The following RGS7 variants were observed in gnomAD, a reference collection of about 807,000 sequenced individuals.
RGS7 encodes regulator of G-protein signaling 7.
Under a neutral mutation model 81.1 loss-of-function variants are expected in RGS7, and 27 were observed. The observed-to-expected ratio is 0.33, with a 90% CI of 0.25 to 0.46. RGS7 has a LOEUF of 0.46. Ranked by LOEUF, RGS7 falls within the 20% of genes least tolerant of loss-of-function variation. The pLI, the probability that RGS7 is intolerant of heterozygous loss-of-function variation, is 1.00. For synonymous variants in RGS7, 208 were observed against 207.7 expected (o/e 1.00, Z -0.01); for missense variants, 396 against 607.4 (o/e 0.65, Z 3.66).
intron 3 of RGS7, among the ~76,000 whole-genome samples, chr1:240,999,430 G>T (rs1349181709): frequency 1.3e-5 from 2 of 151,972 alleles, no homozygotes; most frequent in Non-Finnish European, 2.9e-5. Context: ...AATTGCTTTT[G>T]GGCCATATTC....
rs1224665176 is a variant in RGS7, at chr1:240,870,115, A to G, written c.390T>C (p.Val130=). 6.2e-7 allele frequency: 1 copy of G among 1,613,948 alleles called. No homozygotes were observed. The highest frequency in any genetic ancestry group is 1.7e-5 in the Admixed American group (1 of 60,000). The stretch of plus-strand genomic sequence containing the variant: ...TTTGCATTGTTCTCTTGCAGAGGTA[A>G]ACGGCTGAAAAAAAAATCAATCATT... ...CWEPENTDYA[V]YLCKRTMQNK... The change falls in exon 7 of 19, where the codon GTT becomes GTC. Residue 130 remains valine, a synonymous_variant. Coordinates refer to ENST00000440928, the MANE Select transcript of RGS7 (RefSeq NM_001364886.1).
At chr1:240,802,007 G>A (rs1688101578) in intron 16 of RGS7, among the ~76,000 whole-genome samples, 1 of 152,072 alleles carries the variant, frequency 6.6e-6, no homozygotes, top group African/African-American at 2.4e-5. Context: ...TTGAAATTTG[G>A]CTAGAATGTT....
chr1:240,978,756 T>G lies in RGS7; in HGVS notation c.226+4323A>C, dbSNP rs572826872. On this transcript the variant is annotated intron_variant, in intron 4 of 18. Coordinates refer to ENST00000440928, the MANE Select transcript of RGS7 (RefSeq NM_001364886.1). ...ACAATTATTATAAAAAATACAAAAATACCTACAATTGCCAATCAACATTTT... is the reference window on the plus strand; with the variant it reads ...ACAATTATTATAAAAAATACAAAAAGACCTACAATTGCCAATCAACATTTT... 2.6e-5 allele frequency among the ~76,000 whole-genome samples: 4 copies of G among 152,242 alleles called. No homozygotes were observed. The East Asian group carries it at 7.7e-4, about 29-fold the overall frequency.
chr1:241,238,283 A>G, intron 2 of RGS7, among the ~76,000 whole-genome samples: 1 of 152,126 alleles, frequency 6.6e-6, no homozygotes, highest in East Asian at 1.9e-4. Context: ...AAATAAAAGG[A>G]AGTAATAGTG....
chr1:241,353,468 T>C (rs550511160), intron 2 of RGS7, among the ~76,000 whole-genome samples: 25 of 152,358 alleles, frequency 1.6e-4, no homozygotes, highest in African/African-American at 3.6e-4. Context: ...CATTATCTGA[T>C]ATTATTTATA....
chr1:240,939,941 A>C (rs1481601491), intron 4 of RGS7, among the ~76,000 whole-genome samples: 1 of 152,114 alleles, frequency 6.6e-6, no homozygotes, highest in Non-Finnish European at 1.5e-5. Context: ...TTAGCTGGGC[A>C]TGGTGGCAGG....
At chr1:240,867,369 C>T (rs1663503103) in intron 9 of RGS7, among the ~76,000 whole-genome samples, 1 of 152,054 alleles carries the variant, frequency 6.6e-6, no homozygotes, top group Non-Finnish European at 1.5e-5. Flanking sequence ...TCTAATAATA[C>T]TTATATAAAT....
chr1:241,269,700 G>A (rs528889055), intron 2 of RGS7, among the ~76,000 whole-genome samples: 34 of 152,292 alleles, frequency 2.2e-4, no homozygotes, highest in African/African-American at 7.7e-4. Flanking sequence ...TGATGAGTGG[G>A]CGATCTGCTA....
At chr1:240,870,307 AC>A (rs956408810) in intron 6 of RGS7, among the ~76,000 whole-genome samples, 188 bp from the exon 7 acceptor site, 1 of 152,204 alleles carries the variant, frequency 6.6e-6, no homozygotes, top group Admixed American at 6.5e-5. Flanking sequence ...TATTTATGAT[AC>A]CCTAATAAAA....
At chr1:241,344,408 T>C (rs1046928397) in intron 2 of RGS7, among the ~76,000 whole-genome samples, 1 of 152,250 alleles carries the variant, frequency 6.6e-6, no homozygotes, top group African/African-American at 2.4e-5. Flanking sequence ...ATGTCCCTTT[T>C]CTGGACAATT....
chr1:241,143,356 G>A (rs763766663), intron 2 of RGS7, among the ~76,000 whole-genome samples: 1 of 152,126 alleles, frequency 6.6e-6, no homozygotes, highest in African/African-American at 2.4e-5. Flanking sequence ...CCTGAGACTT[G>A]CCAATTTACA....
chr1:240,912,232 GGTAA>G (rs1343801145), intron 6 of RGS7, among the ~76,000 whole-genome samples: 1 of 150,132 alleles, frequency 6.7e-6, no homozygotes, highest in Non-Finnish European at 1.5e-5. Flanking sequence ...GATGTAAGCT[GGTAA>G]GTGTTATTCC....
chr1:240,961,976 G>T (rs1006576449), intron 4 of RGS7, among the ~76,000 whole-genome samples: 2 of 152,056 alleles, frequency 1.3e-5, no homozygotes, highest in African/African-American at 4.8e-5. Context: ...GAGAAGAAAA[G>T]AATCTGCCCT....
chr1:241,183,383 C>T (rs2071806749), intron 2 of RGS7, among the ~76,000 whole-genome samples: 1 of 152,206 alleles, frequency 6.6e-6, no homozygotes, highest in Admixed American at 6.5e-5. Flanking sequence ...ATAGGCAGGA[C>T]TAGAACCTTT....
At chr1:241,239,839 C>T (rs1045960916) in intron 2 of RGS7, among the ~76,000 whole-genome samples, 1 of 152,204 alleles carries the variant, frequency 6.6e-6, no homozygotes, top group Non-Finnish European at 1.5e-5. Flanking sequence ...CACAGAAAAG[C>T]TAGGCAGCGT....
intron 3 of RGS7, among the ~76,000 whole-genome samples, chr1:241,006,133 C>G (rs1367670145): frequency 1.3e-5 from 2 of 150,584 alleles, no homozygotes; most frequent in Admixed American, 6.6e-5. Flanking sequence ...TAAAAAAAAA[C>G]CCAGTGGTAA....
intron 3 of RGS7, among the ~76,000 whole-genome samples, chr1:241,007,303 C>G (rs532857147): frequency 8.6e-4 from 131 of 152,164 alleles, no homozygotes; most frequent in Non-Finnish European, 1.6e-3. Context: ...CACAGTGGTA[C>G]TTTACTACCA....
chr1:240,779,369 G>C (rs1034619430), intron 18 of RGS7, among the ~76,000 whole-genome samples: 1 of 152,000 alleles, frequency 6.6e-6, no homozygotes, highest in Non-Finnish European at 1.5e-5. Context: ...TGGCCAGCCT[G>C]GTCCCAAACT....
intron 2 of RGS7, among the ~76,000 whole-genome samples, chr1:241,306,966 C>T (rs2080212668): frequency 6.6e-6 from 1 of 152,168 alleles, no homozygotes. Flanking sequence ...AGATAGTTTG[C>T]AAGGGAGAAA....
Sources: allele counts gnomAD v4.1 joint callset (sites outside exome capture counted in the v4.1 genomes callset), GRCh38; gene constraint gnomAD v4.1.1; transcripts MANE v1.5; gene names NCBI Gene and HGNC (gene_info 2026-07-23, HGNC 2026-07-21).